LSAMP: variants seen among roughly 807,000 people sequenced by gnomAD.
LSAMP encodes the protein limbic system associated membrane protein.
In LSAMP, 7 loss-of-function variants were observed where a neutral mutation model predicts 38.6. The observed-to-expected ratio is 0.18, with a 90% CI of 0.10 to 0.34. The LOEUF is 0.34. Among genes scored for constraint, LSAMP ranks in the 10% least tolerant of loss-of-function variants. LSAMP has a pLI of 1.00. For missense variants in LSAMP, 313 were observed against 420.0 expected, an observed-to-expected ratio of 0.75 and a Z score of 2.23; for synonymous variants, 154 against 166.8, an observed-to-expected ratio of 0.92 and a Z score of 0.59.
intron 1 of LSAMP, among the ~76,000 whole-genome samples, chr3:116,116,231 A>G (rs1708742166): frequency 6.7e-6 from 1 of 150,244 alleles, no homozygotes; most frequent in Non-Finnish European, 1.5e-5. Context: ...CTCTCATTTC[A>G]CGGGTACAAT....
intron 3 of LSAMP, among the ~76,000 whole-genome samples, chr3:116,003,893 A>G (rs534430120): frequency 6.6e-6 from 1 of 152,308 alleles, no homozygotes; most frequent in African/African-American, 2.4e-5. Context: ...CTGGCCTCCA[A>G]AATAGTGAGA....
rs548508001 is a variant in LSAMP at position 116,012,210 on chromosome 3, C to A, written c.514+7305G>T. Among the ~76,000 whole-genome samples the A allele has an allele frequency of 3.9e-5, 6 of 152,300 alleles. No homozygotes were observed. The South Asian group carries it at 1.2e-3, about 32-fold the overall frequency. Reference sequence around the variant, plus strand: ...CTGCTCATTTCAACAACTCCATGGTCACTTTGATTTTTAAATATGCTCCTG... The same window carrying A: ...CTGCTCATTTCAACAACTCCATGGTAACTTTGATTTTTAAATATGCTCCTG... On this transcript the variant is annotated intron_variant, in intron 3 of 6. Coordinates refer to ENST00000490035, the MANE Select transcript of LSAMP (RefSeq NM_002338.5).
At chr3:115,893,225 A>G (rs1936645474) in intron 3 of LSAMP, among the ~76,000 whole-genome samples, 1 of 151,916 alleles carries the variant, frequency 6.6e-6, no homozygotes, top group Admixed American at 6.6e-5. Context: ...GCAGCAAACC[A>G]CCATGGCCTG....
chr3:115,838,212 A>G (rs1934859291), intron 6 of LSAMP: 1 of 152,246 alleles, frequency 6.6e-6, no homozygotes, highest in South Asian at 2.1e-4. Flanking sequence ...AACATTTAGC[A>G]TAGTACATAC....
intron 1 of LSAMP, among the ~76,000 whole-genome samples, chr3:116,312,014 C>T (rs1320021694): frequency 6.6e-6 from 1 of 152,008 alleles, no homozygotes; most frequent in East Asian, 1.9e-4. Flanking sequence ...GAGTGGAAAA[C>T]CATACAGAAA....
intron 2 of LSAMP, among the ~76,000 whole-genome samples, chr3:116,054,679 C>T (rs984047508): frequency 2.0e-5 from 3 of 152,076 alleles, no homozygotes; most frequent in Non-Finnish European, 2.9e-5. Context: ...TGATTACATG[C>T]ACTAAATATA....
At chr3:116,260,394 C>T (rs576107744) in intron 1 of LSAMP, among the ~76,000 whole-genome samples, 45 of 151,464 alleles carry the variant, frequency 3.0e-4, no homozygotes, top group East Asian at 1.7e-3. Context: ...TTAAAATTTT[C>T]GAATAATATA....
chr3:116,068,963 CT>C (rs1266016071), intron 2 of LSAMP, among the ~76,000 whole-genome samples: 1 of 152,126 alleles, frequency 6.6e-6, no homozygotes, highest in Non-Finnish European at 1.5e-5. Flanking sequence ...AAAGAACTTG[CT>C]TGTGGATAGC....
chr3:115,806,361 A>T lies in LSAMP; in HGVS notation c.*3956T>A, dbSNP rs1426284218. ...TATATATTATTGTTTTCCACAAATA[A>T]TTCGAGCCCTGCAAAGAACAAAATG... On this transcript the variant is annotated 3_prime_UTR_variant, in exon 7 of 7. Coordinates refer to ENST00000490035, the MANE Select transcript of LSAMP (RefSeq NM_002338.5). The T allele has an allele frequency of 1.3e-5, 2 of 152,218 alleles. No homozygotes were observed. The highest frequency in any genetic ancestry group is 4.8e-5 in the African/African-American group (2 of 41,456). The allele number at this position is 152,218 out of a possible 1,614,324, so 9.4% of individuals were successfully genotyped here. A position where few individuals can be genotyped will look rare whatever the true frequency, so the allele number is the denominator to read the frequency against.
chr3:116,044,077 T>A (rs746157658), intron 2 of LSAMP, among the ~76,000 whole-genome samples: 28 of 152,236 alleles, frequency 1.8e-4, no homozygotes, highest in Admixed American at 3.3e-4. Flanking sequence ...ATCCCCTTTT[T>A]AATTAATATA....
At chr3:116,389,849 A>C (rs1318672422) in intron 1 of LSAMP, among the ~76,000 whole-genome samples, 2 of 152,202 alleles carry the variant, frequency 1.3e-5, no homozygotes. Context: ...AATAATAAAA[A>C]AGTAATATTA....
intron 1 of LSAMP, among the ~76,000 whole-genome samples, chr3:116,297,035 A>G (rs1489768873): frequency 6.6e-6 from 1 of 152,194 alleles, no homozygotes; most frequent in Non-Finnish European, 1.5e-5. Flanking sequence ...AGTAAAAAGT[A>G]TGGAAAGAAA....
chr3:115,848,299 C>A (rs1470419294), intron 4 of LSAMP, among the ~76,000 whole-genome samples: 1 of 152,146 alleles, frequency 6.6e-6, no homozygotes, highest in Non-Finnish European at 1.5e-5. Context: ...TGGCACGCGC[C>A]TGTAATCCCA....
chr3:116,024,449 C>T (rs1016964215), intron 2 of LSAMP, among the ~76,000 whole-genome samples: 1 of 152,122 alleles, frequency 6.6e-6, no homozygotes, highest in Non-Finnish European at 1.5e-5. Flanking sequence ...ATTTCACTAT[C>T]AACTTATTTG....
intron 1 of LSAMP, among the ~76,000 whole-genome samples, chr3:116,127,175 G>A (rs1414903623): frequency 6.6e-6 from 1 of 152,140 alleles, no homozygotes; most frequent in Non-Finnish European, 1.5e-5. Flanking sequence ...CAAATGCATA[G>A]GGTTTTATTA....
chr3:116,313,684 T>C (rs1487483565), intron 1 of LSAMP, among the ~76,000 whole-genome samples: 1 of 152,210 alleles, frequency 6.6e-6, no homozygotes, highest in Non-Finnish European at 1.5e-5. Context: ...TCAGGCACAG[T>C]GGCCCACACC....
intron 1 of LSAMP, among the ~76,000 whole-genome samples, chr3:116,180,658 G>A (rs1226028981): frequency 6.6e-6 from 1 of 152,044 alleles, no homozygotes; most frequent in Non-Finnish European, 1.5e-5. Context: ...TAGTTTTATA[G>A]GCTAATTATT....
chr3:115,879,840 T>C (rs1182525493), intron 3 of LSAMP, among the ~76,000 whole-genome samples: 1 of 152,168 alleles, frequency 6.6e-6, no homozygotes, highest in East Asian at 1.9e-4. Context: ...GCCTTCCTTT[T>C]CAGGTTCTTT....
chr3:116,207,941 T>C (rs1266158816), intron 1 of LSAMP, among the ~76,000 whole-genome samples: 1 of 148,878 alleles, frequency 6.7e-6, no homozygotes, highest in African/African-American at 2.4e-5. Context: ...AATCTGAACG[T>C]TGGCCTGCCT....
Sources: gnomAD v4.1 joint callset for allele counts (sites outside exome capture counted in the v4.1 genomes callset) on GRCh38, gnomAD v4.1.1 for gene constraint, MANE v1.5 for transcripts, NCBI Gene and HGNC (gene_info 2026-07-23, HGNC 2026-07-21) for gene names.